Variants in SMYD3 observed in about 807,000 individuals in gnomAD.
The protein encoded by SMYD3 is histone-lysine N-methyltransferase SMYD3.
In SMYD3, 36 loss-of-function variants were observed where a neutral mutation model predicts 57.7. The observed-to-expected ratio is 0.62, with a 90% CI of 0.48 to 0.82. The LOEUF is 0.82. Among genes scored for constraint, SMYD3 ranks in the 40% least tolerant of loss-of-function variants. The pLI is 0.00. For missense variants in SMYD3, 515 were observed against 538.8 expected, an observed-to-expected ratio of 0.96 and a Z score of 0.44; for synonymous variants, 211 against 195.0, an observed-to-expected ratio of 1.08 and a Z score of -0.68.
At chr1:245,965,607 A>G (rs2058121214) in intron 5 of SMYD3, among the ~76,000 whole-genome samples, 1 of 152,202 alleles carries the variant, frequency 6.6e-6, no homozygotes, top group Admixed American at 6.5e-5. Flanking sequence ...TTAAATGCAT[A>G]TTACTAAGTG....
At chr1:246,120,819 G>A (rs560990434) in intron 5 of SMYD3, among the ~76,000 whole-genome samples, 1 of 152,198 alleles carries the variant, frequency 6.6e-6, no homozygotes, top group Admixed American at 6.5e-5. Flanking sequence ...GTACACATCT[G>A]TCTTCCCTGC....
At chr1:245,928,390 A>C (rs73128375) in intron 6 of SMYD3, among the ~76,000 whole-genome samples, 1,884 of 152,272 alleles carry the variant, frequency 0.012, 36 homozygotes, top group African/African-American at 0.043. Context: ...ATACTTAGAC[A>C]GCTGGGTGTG....
At chr1:246,001,023 T>G (rs1376473467) in intron 5 of SMYD3, among the ~76,000 whole-genome samples, 1 of 152,192 alleles carries the variant, frequency 6.6e-6, no homozygotes, top group Non-Finnish European at 1.5e-5. Context: ...CCACCAATTA[T>G]CAGCCCATTT....
intron 10 of SMYD3, among the ~76,000 whole-genome samples, chr1:245,852,127 A>G (rs2051006816): frequency 6.6e-6 from 1 of 152,220 alleles, no homozygotes; most frequent in African/African-American, 2.4e-5. Context: ...AATGTGCAAC[A>G]CTTGTTCAAA....
At chr1:245,867,805 T>A (rs542723689) in intron 8 of SMYD3, among the ~76,000 whole-genome samples, 1 of 152,162 alleles carries the variant, frequency 6.6e-6, no homozygotes, top group East Asian at 1.9e-4. Flanking sequence ...GATATTTGAG[T>A]AAAGCTCATT....
chr1:245,787,792 G>C (rs2047106040), intron 10 of SMYD3, among the ~76,000 whole-genome samples: 1 of 152,136 alleles, frequency 6.6e-6, no homozygotes, highest in South Asian at 2.1e-4. Flanking sequence ...TTCATCCGTG[G>C]GAAGGAAAAG....
At chr1:246,472,629 A>G (rs549306658) in intron 1 of SMYD3, among the ~76,000 whole-genome samples, 6 of 152,084 alleles carry the variant, frequency 3.9e-5, no homozygotes, top group African/African-American at 1.4e-4. Flanking sequence ...CTGTAGTCCC[A>G]GCTACTGGGG....
intron 5 of SMYD3, among the ~76,000 whole-genome samples, chr1:246,208,548 C>G (rs768512202): frequency 6.6e-6 from 1 of 152,094 alleles, no homozygotes; most frequent in Non-Finnish European, 1.5e-5. Context: ...TTGTCATATT[C>G]TAAATACTGA....
intron 2 of SMYD3, among the ~76,000 whole-genome samples, chr1:246,341,445 T>C (rs1334506204): frequency 6.6e-6 from 1 of 152,218 alleles, no homozygotes; most frequent in East Asian, 1.9e-4. Flanking sequence ...TAAATGAGTA[T>C]AGTACCAATT....
intron 5 of SMYD3, among the ~76,000 whole-genome samples, chr1:246,075,952 A>G (rs1442525691): frequency 2.0e-5 from 3 of 151,626 alleles, no homozygotes; most frequent in Non-Finnish European, 4.4e-5. Context: ...AAAAAAAAAA[A>G]AAAAAGCTCA....
At chr1:246,047,828 G>A (rs1312210697) in intron 5 of SMYD3, among the ~76,000 whole-genome samples, 2 of 143,366 alleles carry the variant, frequency 1.4e-5, no homozygotes, top group East Asian at 2.2e-4. Flanking sequence ...AACAGAGTGA[G>A]ACCCTGTAGC....
intron 5 of SMYD3, among the ~76,000 whole-genome samples, chr1:246,182,765 G>GT (rs2062574490): frequency 6.6e-6 from 1 of 152,184 alleles, no homozygotes. Context: ...TATCCAGGAA[G>GT]TAAGACTCAG....
intron 5 of SMYD3, among the ~76,000 whole-genome samples, chr1:246,120,180 G>GGTAT (rs2061403814): frequency 6.6e-6 from 1 of 152,140 alleles, no homozygotes. Context: ...CTCTTCTCCA[G>GGTAT]GTATAGAGAG....
chr1:246,036,543 T>C (rs1572924324), intron 5 of SMYD3, among the ~76,000 whole-genome samples: 1 of 48,582 alleles, frequency 2.1e-5, no homozygotes, highest in Non-Finnish European at 3.2e-5. Flanking sequence ...TTCTCTCTTT[T>C]TTTTTTTTTT....
chr1:246,116,700 A>G (rs2061347726), intron 5 of SMYD3, among the ~76,000 whole-genome samples: 2 of 152,218 alleles, frequency 1.3e-5, no homozygotes, highest in Admixed American at 6.5e-5. Flanking sequence ...CATACATAGC[A>G]CATATAACTA....
At chr1:246,408,409 G>A (rs2066904592) in intron 1 of SMYD3, among the ~76,000 whole-genome samples, 1 of 152,110 alleles carries the variant, frequency 6.6e-6, no homozygotes, top group Non-Finnish European at 1.5e-5. Context: ...GGGGTTTTGT[G>A]CTTAATAGGG....
chr1:246,322,401 GT>G lies in SMYD3; in HGVS notation c.531+4799del, dbSNP rs1253543049. On this transcript the variant is annotated intron_variant, in intron 5 of 11. Coordinates refer to ENST00000490107, the MANE Select transcript of SMYD3 (RefSeq NM_001167740.2). ...GGAAAAAAATCTCAAAGGAAATTTT[GT>G]TTGAAAATGGAAGTGGAGATTTAAA... The G allele has an allele frequency of 2.7e-5, 4 of 150,788 alleles. No homozygotes were observed. The East Asian group carries it at 7.8e-4, about 30-fold the overall frequency. The allele number at this position is 150,788 out of a possible 1,614,324, so 9.3% of individuals were successfully genotyped here.
At chr1:246,291,188 A>G (rs564328142) in intron 5 of SMYD3, among the ~76,000 whole-genome samples, 1 of 152,244 alleles carries the variant, frequency 6.6e-6, no homozygotes, top group Admixed American at 6.6e-5. Flanking sequence ...TTGCTAACAA[A>G]TTAGGGAAAC....
In SMYD3 at chr1:245,927,970, G is replaced by C; in HGVS notation, c.663C>G (p.Leu221=). The change falls in exon 7 of 12, where the codon CTC becomes CTG. Residue 221 remains leucine (L), a synonymous_variant. Coordinates refer to ENST00000490107, the MANE Select transcript of SMYD3 (RefSeq NM_001167740.2). ...NCSIVFNGPH[L]LLRAVRDIEV... Reference sequence around the variant, plus strand: ...CGATGTCTCGGACTGCTCGCAGTAAGAGGTGGGGCCCATTGAACACAATCG... The same window carrying C: ...CGATGTCTCGGACTGCTCGCAGTAACAGGTGGGGCCCATTGAACACAATCG... 6.2e-7 allele frequency: 1 copy of C among 1,613,080 alleles called. No homozygotes were observed.
Sources: allele counts gnomAD v4.1 joint callset (sites outside exome capture counted in the v4.1 genomes callset), GRCh38; gene constraint gnomAD v4.1.1; transcripts MANE v1.5; gene names NCBI Gene and HGNC (gene_info 2026-07-23, HGNC 2026-07-21).